Variants in SFTPA2 observed in about 807,000 individuals in gnomAD.
SFTPA2 encodes the protein pulmonary surfactant-associated protein A2.
Under a neutral mutation model 20.3 loss-of-function variants are expected in SFTPA2, and 21 were observed. The ratio of observed to expected loss-of-function variants is 1.03; its 90% CI spans 0.73 to 1.49. The LOEUF is 1.49. Among genes scored for constraint, SFTPA2 ranks in the 40% most tolerant of loss-of-function variants. SFTPA2 has a pLI of 0.00. For synonymous variants in SFTPA2, 116 were observed against 118.7 expected (o/e 0.98, Z 0.15); for missense variants, 302 against 314.8 (o/e 0.96, Z 0.31).
intron 4 of SFTPA2, 123 bp downstream of exon 4, chr10:79,558,763 T>G: frequency 6.5e-7 from 1 of 1,527,940 alleles, no homozygotes; most frequent in Non-Finnish European, 9.1e-7. Context: ...ATTCTCTTAC[T>G]TAGGTTGAGC....
At position 79,559,908 on chromosome 10, in the gene SFTPA2, A is replaced by T. The variant is rs905775061; in HGVS notation, c.-24+61T>A. 124 of 1,374,192 alleles carry T rather than the reference A, an allele frequency of 9.0e-5. 1 individual carries two copies. Among genetic ancestry groups the T allele is most frequent in the Non-Finnish European group, 1.0e-4 (106 of 1,059,432 alleles). The allele number at this position is 1,374,192 out of a possible 1,614,324, so 85.1% of individuals were successfully genotyped here. A position where few individuals can be genotyped will look rare whatever the true frequency, so the allele number is the denominator to read the frequency against. On this transcript the variant is annotated intron_variant, in intron 2 of 5. Coordinates refer to ENST00000372325, the MANE Select transcript of SFTPA2 (RefSeq NM_001098668.4). Reference sequence around the variant, plus strand: ...GCCCTGTCCCTCCCAGGCTGTTAGAAGGAAGGATGAGGTCACTCACTCACT... The same window carrying T: ...GCCCTGTCCCTCCCAGGCTGTTAGATGGAAGGATGAGGTCACTCACTCACT...
intron 5 of SFTPA2, 102 bp downstream of exon 5, chr10:79,557,950 A>T: frequency 6.4e-7 from 1 of 1,554,260 alleles, no homozygotes; most frequent in East Asian, 2.2e-5. Context: ...CAACACCTGC[A>T]TGTGCACGCT....
rs958687504 is a variant in SFTPA2, at chr10:79,556,476, A to G, written c.*733T>C. ...CAGATTTGTTCATCAGCAGAAAGTT[A>G]CTCGGGTCATGTCTGCAGTGGGGGG... On this transcript the variant is annotated 3_prime_UTR_variant, in exon 6 of 6. Transcript: ENST00000372325. The G allele has an allele frequency of 6.4e-6, 1 of 155,200 alleles. No individual in the cohort carries two copies. The highest frequency in any genetic ancestry group is 1.5e-5 in the Non-Finnish European group (1 of 68,254). 9.6% of individuals were successfully genotyped at this position (155,200 alleles called of 1,614,324 possible). A position where few individuals can be genotyped will look rare whatever the true frequency, so the allele number is the denominator to read the frequency against.
In SFTPA2 at chr10:79,559,340, A is replaced by G. The variant is rs368363771; in HGVS notation, c.144T>C (p.Asp48=). The G allele has an allele frequency of 1.2e-5, 20 of 1,613,600 alleles. No individual in the cohort carries two copies. Among genetic ancestry groups the G allele is most frequent in the Non-Finnish European group, 1.5e-5 (18 of 1,179,812 alleles). Residue 48 remains aspartate (D), a synonymous_variant, in exon 3 of 6, where the codon GAT becomes GAC. Transcript: ENST00000372325. Reference sequence around the variant, plus strand: ...GAGGGCCAGGGTCTCCTTTGACACCATCTCTCCCGTCCCTGCCTGGCAGGC... The same window carrying G: ...GAGGGCCAGGGTCTCCTTTGACACCGTCTCTCCCGTCCCTGCCTGGCAGGC... ...SHGLPGRDGR[D]GVKGDPGPPG...
Position 79,557,169 on chromosome 10 carries a change from G to A in SFTPA2, c.*40C>T. The A allele has an allele frequency of 6.2e-7, 1 of 1,614,016 alleles. No homozygotes were observed. ...TGGATCCTGGGGATGGAAACTGAAG[G>A]CCAGACAGGATCCTCCCTGTCCCAT... On this transcript the variant is annotated 3_prime_UTR_variant, in exon 6 of 6. Coordinates refer to ENST00000372325, the MANE Select transcript of SFTPA2 (RefSeq NM_001098668.4).
Position 79,557,507 on chromosome 10 carries a change from G to T in SFTPA2, c.449C>A (p.Ala150Asp), listed in dbSNP as rs1448302485. The T allele has an allele frequency of 2.5e-6, 4 of 1,613,292 alleles. No individual in the cohort carries two copies. The highest frequency in any genetic ancestry group is 3.4e-6 in the Non-Finnish European group (4 of 1,179,592). ...TGCTCTGGCACATGCCTCCTGAATG[G>T]CATCAAAAGTGATGGACTGCCCATT... Reference protein sequence around the residue: ...SSNGQSITFDAIQEACARAGG... With the variant: ...SSNGQSITFDDIQEACARAGG... The change falls in exon 6 of 6, where the codon GCC (alanine) becomes GAC (aspartate). Residue 150 changes from alanine to aspartate, a missense_variant. Ala to Asp is a moderately radical substitution (Grantham distance 126). Around this residue, in one of 3 missense-constraint regions of SFTPA2, gnomAD observed 264 missense variants for 261.7 expected, o/e 1.01. Coordinates refer to ENST00000372325, the MANE Select transcript of SFTPA2 (RefSeq NM_001098668.4).
intron 3 of SFTPA2, 90 bp from the exon 4 acceptor site, chr10:79,559,095 G>A: frequency 6.2e-7 from 1 of 1,612,504 alleles, no homozygotes; most frequent in Non-Finnish European, 8.5e-7. Context: ...CACCGGGGCT[G>A]GCTCAGCTAT....
rs1344156842 is a variant in SFTPA2 at position 79,559,879 on chromosome 10, A to G, written c.-24+90T>C. On this transcript the variant is annotated intron_variant, in intron 2 of 5. Coordinates refer to ENST00000372325, the MANE Select transcript of SFTPA2 (RefSeq NM_001098668.4). ...CTGAATCTTCCATGCTCTGCAGAAA[A>G]CCTGCCCTGTCCCTCCCAGGCTGTT... is the stretch of plus-strand genomic sequence containing the variant. 2.9e-6 allele frequency: 4 copies of G among 1,380,342 alleles called. No individual in the cohort carries two copies. The East Asian group carries it at 7.8e-5, about 27-fold the overall frequency. 85.5% of individuals were successfully genotyped at this position (1,380,342 alleles called of 1,614,324 possible).
At chr10:79,559,919 G>T in intron 2 of SFTPA2, 50 bp downstream of exon 2, 1 of 1,370,950 alleles carries the variant, frequency 7.3e-7, no homozygotes, top group Non-Finnish European at 9.4e-7. Flanking sequence ...GGAAGGATGA[G>T]GTCACTCACT....
intron 2 of SFTPA2, 69 bp from the exon 3 acceptor site, chr10:79,559,575 G>A: frequency 6.2e-7 from 1 of 1,603,102 alleles, no homozygotes; most frequent in Admixed American, 1.7e-5. Flanking sequence ...GCTCTGTCAG[G>A]ACTCAGGAAG....
rs766518622 is a variant in SFTPA2, at chr10:79,559,484, G to A, written c.-1C>T. 38 of 1,611,432 alleles carry A rather than the reference G, an allele frequency of 2.4e-5. No homozygotes were observed. The highest frequency in any genetic ancestry group is 3.2e-5 in the Non-Finnish European group (38 of 1,178,128). ...TGAGGGCCAGAGGGCACAGCCACAT[G>A]GCTCTGGGTCCAGTCGCTGCTCCTG... On this transcript the variant is annotated 5_prime_UTR_variant, in exon 3 of 6. Transcript: ENST00000372325.
At chr10:79,558,218 G>A in intron 4 of SFTPA2, 89 bp from the exon 5 acceptor site, 1 of 1,610,306 alleles carries the variant, frequency 6.2e-7, no homozygotes, top group Non-Finnish European at 8.5e-7. Context: ...CTGCAATCCT[G>A]GAACTCTGCC....
At chr10:79,557,616 T>C in intron 5 of SFTPA2, 31 bp from the exon 6 acceptor site, 1 of 1,600,394 alleles carries the variant, frequency 6.2e-7, no homozygotes, top group Non-Finnish European at 8.5e-7. Context: ...GTCAGGCCAC[T>C]GACCACTTTG....
chr10:79,556,958 A>G lies in SFTPA2; in HGVS notation c.*251T>C. On this transcript the variant is annotated 3_prime_UTR_variant, in exon 6 of 6. Transcript: ENST00000372325. ...AGGCCTCCATCTCATGCCAAAGGCC[A>G]AGGCTAGGAGTGGCTGCCTGGGGTG... is the stretch of plus-strand genomic sequence containing the variant. 1 of 634,190 alleles carries G rather than the reference A, an allele frequency of 1.6e-6. No homozygotes were observed. The highest frequency in any genetic ancestry group is 2.7e-6 in the Non-Finnish European group (1 of 374,126). The allele number at this position is 634,190 out of a possible 1,614,324, so 39.3% of individuals were successfully genotyped here. A position where few individuals can be genotyped will look rare whatever the true frequency, so the allele number is the denominator to read the frequency against.
At chr10:79,560,180 T>C (rs980188584) in intron 1 of SFTPA2, 182 bp from the exon 2 acceptor site, 2 of 221,492 alleles carry the variant, frequency 9.0e-6, no homozygotes, top group African/African-American at 4.7e-5. Context: ...AAGGAAGATA[T>C]CAAAGCATGA....
At position 79,558,104 on chromosome 10, in the gene SFTPA2, C is replaced by A. The variant is rs906186167; in HGVS notation, c.318G>T (p.Glu106Asp). 5.6e-6 allele frequency: 9 copies of A among 1,614,082 alleles called. No individual in the cohort carries two copies. The highest frequency in any genetic ancestry group is 1.3e-5 in the African/African-American group (1 of 75,014). The change falls in exon 5 of 6, where the codon GAG becomes GAT. Residue 106 changes from glutamate to aspartate, a missense_variant. Transcript: ENST00000372325. ...TGAAGTCGTGGAGTGTGGCTTGGAG[C>A]TCCTCATCTAGATGAGCTGGAAGCC... ...PPGLPAHLDE[E>D]LQATLHDFRH... is the part of the protein sequence containing the mutation.
intron 4 of SFTPA2, among the ~76,000 whole-genome samples, chr10:79,558,675 G>A (rs1174444183): frequency 6.6e-5 from 10 of 152,128 alleles, no homozygotes; most frequent in African/African-American, 1.9e-4. Context: ...CATGAGGCAC[G>A]GAGGACTTCC....
At chr10:79,560,048 T>C (rs1294591998) in intron 1 of SFTPA2, 50 bp from the exon 2 acceptor site, 1 of 1,074,556 alleles carries the variant, frequency 9.3e-7, no homozygotes, top group African/African-American at 1.7e-5. Flanking sequence ...CCCTTCAAGG[T>C]GATCATCGGG....
rs1423016025 is a variant in SFTPA2 at position 79,557,523 on chromosome 10, A to C, written c.433T>G (p.Ser145Ala). ...GEKVFSSNGQ[S>A]ITFDAIQEAC... ...TCCTGAATGGCATCAAAAGTGATGG[A>C]CTGCCCATTGCTGGAGAAGACCTTC... The change falls in exon 6 of 6, where the codon TCC (serine) becomes GCC (alanine). Residue 145 changes from serine (S) to alanine (A), a missense_variant. Around this residue, in one of 3 missense-constraint regions of SFTPA2, gnomAD observed 264 missense variants for 261.7 expected, o/e 1.01. Coordinates refer to ENST00000372325, the MANE Select transcript of SFTPA2 (RefSeq NM_001098668.4). The C allele has an allele frequency of 6.2e-7, 1 of 1,613,182 alleles. No homozygotes were observed. Among genetic ancestry groups the C allele is most frequent in the Non-Finnish European group, 8.5e-7 (1 of 1,179,582 alleles).
Sources: gnomAD v4.1 joint callset for allele counts (sites outside exome capture counted in the v4.1 genomes callset) on GRCh38, gnomAD v4.1.1 for gene constraint, gnomAD v4.1.1 regional missense constraint, MANE v1.5 for transcripts, NCBI Gene and HGNC (gene_info 2026-07-23, HGNC 2026-07-21) for gene names.